Variants in SDK1 observed in about 807,000 individuals in gnomAD.
SDK1 encodes the protein sidekick cell adhesion molecule 1.
In SDK1, 157 loss-of-function variants were observed where a neutral mutation model predicts 245.5. The observed-to-expected ratio is 0.64, with a 90% CI of 0.56 to 0.73. The LOEUF (loss-of-function observed/expected upper bound fraction) is 0.73, where lower values mean the gene tolerates loss of function less well. Among genes scored for constraint, SDK1 ranks in the 30% least tolerant of loss-of-function variants. The probability of loss-of-function intolerance (pLI) is 0.00; values close to 1 mark genes in which losing one functional copy is unlikely to be tolerated. For missense variants in SDK1, 3,583 were observed against 3,002.3 expected, an observed-to-expected ratio of 1.19 and a Z score of -4.52; for synonymous variants, 1,647 against 1,278.5, an observed-to-expected ratio of 1.29 and a Z score of -6.15.
At chr7:3,933,033 G>A (rs1182380606) in intron 5 of SDK1, among the ~76,000 whole-genome samples, 2 of 151,416 alleles carry the variant, frequency 1.3e-5, no homozygotes, top group African/African-American at 2.4e-5. Flanking sequence ...GCTGGTAGAC[G>A]ACACAGCCCA....
chr7:3,477,730 T>A (rs1781393074), intron 1 of SDK1, among the ~76,000 whole-genome samples: 1 of 152,014 alleles, frequency 6.6e-6, no homozygotes, highest in East Asian at 1.9e-4. Context: ...TTCAGGCTTG[T>A]CCCGAACCTC....
rs1436039945 is a variant in SDK1 at position 4,238,300 on chromosome 7, G to A, written c.6130+516G>A. ...TCACCATGTTGGCCAGGCTGGTCTC[G>A]AAATCCTGACCTCAGGTGATCTGCC... On this transcript the variant is annotated intron_variant, in intron 42 of 44. Transcript: ENST00000404826. 5.9e-5 allele frequency among the ~76,000 whole-genome samples: 9 copies of A among 151,886 alleles called. No homozygotes were observed. The East Asian group carries it at 1.4e-3, about 23-fold the overall frequency.
chr7:3,950,862 A>G, intron 5 of SDK1, 61 bp from the exon 6 acceptor site: 2 of 1,313,792 alleles, frequency 1.5e-6, no homozygotes, highest in Non-Finnish European at 2.1e-6. Flanking sequence ...CCCCTCAGAT[A>G]ACGGCGGGGG....
At chr7:3,958,083 C>G (rs762767591) in intron 7 of SDK1, 2 of 458,998 alleles carry the variant, frequency 4.4e-6, no homozygotes, top group East Asian at 7.0e-5. Context: ...GGAGGCATGC[C>G]AAGCTATCTT....
chr7:4,143,433 C>T (rs908584131), intron 28 of SDK1, among the ~76,000 whole-genome samples: 2 of 152,166 alleles, frequency 1.3e-5, no homozygotes, highest in African/African-American at 4.8e-5. Context: ...AGGTCATTAC[C>T]ACCGTGAGCC....
intron 39 of SDK1, 31 bp from the exon 40 acceptor site, chr7:4,221,208 C>T (rs1415205280): frequency 1.2e-6 from 2 of 1,610,456 alleles, no homozygotes; most frequent in Non-Finnish European, 8.5e-7. Context: ...AGGGCTGATG[C>T]CTCACCTCTC....
At chr7:4,239,645 T>C (rs548069284) in intron 42 of SDK1, among the ~76,000 whole-genome samples, 3 of 152,036 alleles carry the variant, frequency 2.0e-5, no homozygotes, top group Non-Finnish European at 2.9e-5. Context: ...ATTACAGGAG[T>C]GAGCCACGCA....
intron 40 of SDK1, among the ~76,000 whole-genome samples, chr7:4,227,740 C>T (rs568260479): frequency 2.6e-5 from 4 of 152,318 alleles, no homozygotes; most frequent in Admixed American, 6.5e-5. Flanking sequence ...CACGCAGCTC[C>T]GTTCTGGGCG....
At chr7:4,057,879 C>G (rs1454073448) in intron 19 of SDK1, among the ~76,000 whole-genome samples, 1 of 152,202 alleles carries the variant, frequency 6.6e-6, no homozygotes, top group Non-Finnish European at 1.5e-5. Context: ...ATCCAATCAA[C>G]ACCATAGATA....
intron 1 of SDK1, among the ~76,000 whole-genome samples, chr7:3,492,489 G>A (rs533720990): frequency 9.8e-5 from 15 of 152,306 alleles, no homozygotes; most frequent in Middle Eastern, 3.4e-3. Context: ...GCGAGACTCC[G>A]TCTCAAAAAA....
intron 4 of SDK1, among the ~76,000 whole-genome samples, chr7:3,741,582 C>G (rs115794840): frequency 1.3e-5 from 2 of 152,142 alleles, no homozygotes; most frequent in Non-Finnish European, 2.9e-5. Context: ...TTTAATACTA[C>G]AGATTTGTGC....
chr7:4,228,924 C>G (rs956848252), intron 40 of SDK1, among the ~76,000 whole-genome samples: 1 of 152,190 alleles, frequency 6.6e-6, no homozygotes, highest in Admixed American at 6.5e-5. Context: ...AGAGCTGACC[C>G]TAGCCTGGGT....
intron 1 of SDK1, among the ~76,000 whole-genome samples, chr7:3,579,876 G>C (rs1249310123): frequency 2.0e-5 from 3 of 152,222 alleles, no homozygotes; most frequent in Non-Finnish European, 2.9e-5. Context: ...GCCACACCCA[G>C]AGGTGCCTTG....
chr7:3,515,217 C>G (rs990334257), intron 1 of SDK1, among the ~76,000 whole-genome samples: 2 of 152,126 alleles, frequency 1.3e-5, no homozygotes, highest in South Asian at 4.2e-4. Context: ...AATACTGACT[C>G]TGAGCCCATT....
intron 1 of SDK1, among the ~76,000 whole-genome samples, chr7:3,598,872 G>A (rs201504738): frequency 6.1e-5 from 4 of 65,756 alleles, no homozygotes; most frequent in Non-Finnish European, 8.8e-5. Flanking sequence ...TTTGAAGGAC[G>A]TGGGCTGTAT....
At chr7:3,611,891 G>C (rs1441221137) in intron 1 of SDK1, among the ~76,000 whole-genome samples, 2 of 152,134 alleles carry the variant, frequency 1.3e-5, no homozygotes, top group African/African-American at 4.8e-5. Context: ...ATGTAAATTA[G>C]TACGACCATG....
At chr7:3,966,248 T>G (rs759918409) in intron 9 of SDK1, among the ~76,000 whole-genome samples, 9 of 152,000 alleles carry the variant, frequency 5.9e-5, no homozygotes, top group Non-Finnish European at 1.2e-4. Flanking sequence ...TTCTGGGACT[T>G]GCCATGGTCC....
chr7:3,904,885 C>T (rs6955371), intron 5 of SDK1, among the ~76,000 whole-genome samples: 58 of 151,268 alleles, frequency 3.8e-4, no homozygotes, highest in African/African-American at 1.1e-3. Flanking sequence ...CCCAGCTACT[C>T]GGGAGACTGA....
intron 19 of SDK1, among the ~76,000 whole-genome samples, chr7:4,052,235 C>T (rs1273696532): frequency 1.3e-5 from 2 of 150,438 alleles, no homozygotes; most frequent in South Asian, 4.3e-4. Context: ...CTTTTCCCCA[C>T]GCCCTTCTAA....
Sources: allele counts gnomAD v4.1 joint callset (sites outside exome capture counted in the v4.1 genomes callset), GRCh38; gene constraint gnomAD v4.1.1; transcripts MANE v1.5; gene names NCBI Gene and HGNC (gene_info 2026-07-23, HGNC 2026-07-21).